Variants in CCL24 observed in about 807,000 individuals in gnomAD.
CCL24 encodes the protein C-C motif chemokine 24.
Under a neutral mutation model 8.6 loss-of-function variants are expected in CCL24, and 6 were observed. That is an observed-to-expected ratio of 0.70 (90% CI 0.38 to 1.38). CCL24 has a LOEUF of 1.38. Ranked by LOEUF, CCL24 falls within the 40% of genes most tolerant of loss-of-function variation. The pLI is 0.02. For synonymous variants in CCL24, 59 were observed against 52.7 expected (o/e 1.12, Z -0.52); for missense variants, 126 against 147.1 (o/e 0.86, Z 0.74).
rs1415743841 is a variant in CCL24, at chr7:75,810,991, G to A, written c.*805C>T. Among the ~76,000 whole-genome samples, 3 of 151,580 alleles carry A rather than the reference G, an allele frequency of 2.0e-5. No individual in the cohort carries two copies. The highest frequency in any genetic ancestry group is 4.4e-5 in the Non-Finnish European group (3 of 67,898). ...TATCTTCCCCTCACCAAAATGTGGG[G>A]TGAGCCCAGATTTGAAGGCAGTACA... is the stretch of plus-strand genomic sequence containing the variant. On this transcript the variant is annotated 3_prime_UTR_variant, in exon 3 of 3. Transcript: ENST00000222902.
intron 1 of CCL24, among the ~76,000 whole-genome samples, chr7:75,821,378 G>C (rs567514361): frequency 3.9e-5 from 6 of 152,094 alleles, no homozygotes; most frequent in African/African-American, 7.2e-5. Flanking sequence ...ATCTAGGATG[G>C]AGAGGTGGAG....
In CCL24 at chr7:75,813,385, CAAAG is replaced by C; in HGVS notation, c.108_111del (p.Phe36LeufsTer27). On this transcript the variant is annotated frameshift_variant, in exon 2 of 3. Coordinates refer to ENST00000222902, the MANE Select transcript of CCL24 (RefSeq NM_002991.3). LOFTEE classifies it high-confidence loss of function. ...CGGTTCTCAGGAATTCTCTTGGAAA[CAAAG>C]AACATGCAGCAGGGAGAGGGGATGA... 1 of 1,613,716 alleles carries C rather than the reference CAAAG, an allele frequency of 6.2e-7. No homozygotes were observed. The highest frequency in any genetic ancestry group is 8.5e-7 in the Non-Finnish European group (1 of 1,179,778).
upstream of CCL24, among the ~76,000 whole-genome samples, chr7:75,818,567 G>A (rs568755947): frequency 1.0e-3 from 152 of 151,356 alleles, no homozygotes; most frequent in Middle Eastern, 3.4e-3. Flanking sequence ...CTTGAGCCCA[G>A]GAGTTCAAGT....
upstream of CCL24, among the ~76,000 whole-genome samples, chr7:75,816,898 T>C (rs532289063): frequency 1.6e-3 from 236 of 149,830 alleles, 3 homozygotes; most frequent in Middle Eastern, 0.01. Context: ...AAGGTCTCAC[T>C]CTGTTGCCCA....
At chr7:75,819,216 G>T (rs1554534584) in intron 1 of CCL24, among the ~76,000 whole-genome samples, 1 of 127,488 alleles carries the variant, frequency 7.8e-6, no homozygotes, top group South Asian at 2.6e-4. Flanking sequence ...TGTGGTAAGT[G>T]GAGATCGCAC....
At chr7:75,817,054 T>C (rs1222802288), upstream of CCL24, among the ~76,000 whole-genome samples, 1 of 151,748 alleles carries the variant, frequency 6.6e-6, no homozygotes, top group Non-Finnish European at 1.5e-5. Flanking sequence ...TTAGTAGAGA[T>C]GGGGTACCCC....
chr7:75,817,656 C>T (rs4728493), upstream of CCL24, among the ~76,000 whole-genome samples: 24,833 of 151,256 alleles, frequency 0.16, 2,672 homozygotes, highest in East Asian at 0.48. Context: ...GCACCCATCA[C>T]CACACCCAGC....
intron 2 of CCL24, among the ~76,000 whole-genome samples, 182 bp downstream of exon 2, chr7:75,813,124 A>AAT (rs1454724823): frequency 6.6e-6 from 1 of 152,120 alleles, no homozygotes; most frequent in Non-Finnish European, 1.5e-5. Context: ...AGAAAAATGA[A>AAT]ATTAAAAAAA....
chr7:75,813,182 G>C (rs531425600), intron 2 of CCL24, 124 bp downstream of exon 2: 3 of 603,636 alleles, frequency 5.0e-6, no homozygotes, highest in Non-Finnish European at 9.0e-6. Context: ...TTGAGGACCA[G>C]AGAGGGGAGG....
chr7:75,816,596 C>T (rs1038376728), upstream of CCL24, among the ~76,000 whole-genome samples: 1 of 150,614 alleles, frequency 6.6e-6, no homozygotes, highest in Non-Finnish European at 1.5e-5. Context: ...GAGTCTCTCT[C>T]TGTCGCCCAG....
Position 75,820,568 on chromosome 7 carries a change from T to G in CCL24, c.-60+2754A>C, listed in dbSNP as rs181107568. Reference sequence around the variant, plus strand: ...CCAAGGGAGGTGTTTCAGGTATCCATCCATCCACCTACCCATTAATTCATC... The same window carrying G: ...CCAAGGGAGGTGTTTCAGGTATCCAGCCATCCACCTACCCATTAATTCATC... On this transcript the variant is annotated intron_variant, in intron 1 of 3. Transcript: ENST00000416943. Among the ~76,000 whole-genome samples the G allele has an allele frequency of 6.1e-3, 922 of 152,180 alleles. 10 individuals carry two copies. The highest frequency in any genetic ancestry group is 0.021 in the African/African-American group (872 of 41,534).
At position 75,813,702 on chromosome 7, in the gene CCL24, A is replaced by G. The variant is rs1803827108; in HGVS notation, c.14T>C (p.Met5Thr). The stretch of plus-strand genomic sequence containing the variant: ...GAACAGAAGGCTGGTTACTATGGTC[A>G]TCAGGCCTGCCATGTCTCAGAGAGC... MAGL[M>T]TIVTSLLFLG... Residue 5 changes from methionine (M) to threonine (T), a missense_variant, in exon 1 of 3, where the codon ATG (methionine) becomes ACG (threonine). Coordinates refer to ENST00000222902, the MANE Select transcript of CCL24 (RefSeq NM_002991.3). 1 of 1,613,976 alleles carries G rather than the reference A, an allele frequency of 6.2e-7. No individual in the cohort carries two copies.
At chr7:75,816,159 T>C (rs1803885036), upstream of CCL24, among the ~76,000 whole-genome samples, 1 of 152,216 alleles carries the variant, frequency 6.6e-6, no homozygotes, top group Admixed American at 6.5e-5. Flanking sequence ...GCAAATCACC[T>C]GTGCCATGGC....
At chr7:75,815,941 C>T (rs1274343518), upstream of CCL24, among the ~76,000 whole-genome samples, 1 of 152,166 alleles carries the variant, frequency 6.6e-6, no homozygotes, top group African/African-American at 2.4e-5. Context: ...CACTCCCATA[C>T]CCAACCCCTC....
chr7:75,820,241 C>G (rs1330930456), intron 1 of CCL24, among the ~76,000 whole-genome samples: 1 of 151,146 alleles, frequency 6.6e-6, no homozygotes, highest in African/African-American at 2.4e-5. Flanking sequence ...GGCAACAGCA[C>G]AATCTCGGCT....
At chr7:75,817,061 C>T (rs1299641527), upstream of CCL24, among the ~76,000 whole-genome samples, 2 of 151,590 alleles carry the variant, frequency 1.3e-5, no homozygotes, top group South Asian at 2.1e-4. Context: ...AGATGGGGTA[C>T]CCCTATGTTG....
chr7:75,817,254 A>G (rs1236296516), upstream of CCL24, among the ~76,000 whole-genome samples: 1 of 151,920 alleles, frequency 6.6e-6, no homozygotes, highest in East Asian at 1.9e-4. Context: ...TTTCTCACTC[A>G]GTGGGTGCCG....
chr7:75,815,510 G>A (rs909093625), upstream of CCL24, among the ~76,000 whole-genome samples: 10 of 151,990 alleles, frequency 6.6e-5, no homozygotes, highest in South Asian at 2.1e-4. Context: ...AAAAAACCAC[G>A]GGAAAACTGG....
At chr7:75,816,146 C>T (rs1300239058), upstream of CCL24, among the ~76,000 whole-genome samples, 1 of 152,144 alleles carries the variant, frequency 6.6e-6, no homozygotes, top group Non-Finnish European at 1.5e-5. Context: ...CGCCAAGTGC[C>T]GAGCAAATCA....
Sources: allele counts gnomAD v4.1 joint callset (sites outside exome capture counted in the v4.1 genomes callset), GRCh38; gene constraint gnomAD v4.1.1; transcripts MANE v1.5; gene names NCBI Gene and HGNC (gene_info 2026-07-23, HGNC 2026-07-21).